Variants in PARVA observed in about 807,000 individuals in gnomAD.
The protein encoded by PARVA is parvin alpha.
A neutral mutation model predicts 52.6 loss-of-function variants in PARVA; 25 were observed. The observed-to-expected ratio is 0.48, with a 90% CI of 0.35 to 0.66. The LOEUF is 0.66. Ranked by LOEUF, PARVA falls within the 30% of genes least tolerant of loss-of-function variation. The pLI, the probability that PARVA is intolerant of heterozygous loss-of-function variation, is 0.01. For synonymous variants in PARVA, 185 were observed against 179.1 expected, an observed-to-expected ratio of 1.03 and a Z score of -0.26; for missense variants, 373 against 450.9, an observed-to-expected ratio of 0.83 and a Z score of 1.56.
At chr11:12,478,465 G>T (rs1441942978) in intron 4 of PARVA, 2 of 224,694 alleles carry the variant, frequency 8.9e-6, no homozygotes, top group Non-Finnish European at 1.8e-5. Flanking sequence ...GAATTCAGGG[G>T]TAATCTTAGT....
intron 1 of PARVA, among the ~76,000 whole-genome samples, chr11:12,417,269 A>G (rs1345319288): frequency 2.6e-5 from 4 of 152,344 alleles, no homozygotes; most frequent in South Asian, 2.1e-4. Context: ...GAAATAAACT[A>G]TAAGTCTAAT....
chr11:12,509,518 C>T (rs970279882), intron 7 of PARVA, among the ~76,000 whole-genome samples: 4 of 152,192 alleles, frequency 2.6e-5, no homozygotes, highest in African/African-American at 9.7e-5. Flanking sequence ...CTGACCCGTA[C>T]CTGCCAAGCC....
chr11:12,534,686 T>C lies in PARVA; in HGVS notation c.*6761T>C, dbSNP rs1297430059. Among the ~76,000 whole-genome samples the C allele has an allele frequency of 6.6e-6, 1 of 152,232 alleles. No individual in the cohort carries two copies. Among genetic ancestry groups the C allele is most frequent in the Non-Finnish European group, 1.5e-5 (1 of 68,036 alleles). ...TATTTTATTGAGGTAGACAGGACAA[T>C]AGATAAATATTTAATCTGTTACATG... On this transcript the variant is annotated 3_prime_UTR_variant, in exon 13 of 13. Coordinates refer to ENST00000334956, the MANE Select transcript of PARVA (RefSeq NM_018222.5).
rs1941763516 is a variant in PARVA, at chr11:12,530,805, G to C, written c.*2880G>C. The C allele has an allele frequency of 6.6e-6, 1 of 152,054 alleles. No homozygotes were observed. The highest frequency in any genetic ancestry group is 1.5e-5 in the Non-Finnish European group (1 of 68,010). 9.4% of individuals were successfully genotyped at this position (152,054 alleles called of 1,614,324 possible). On this transcript the variant is annotated 3_prime_UTR_variant, in exon 13 of 13. Transcript: ENST00000334956. The stretch of plus-strand genomic sequence containing the variant: ...CTTTCACATTTTAAAATAACAATCT[G>C]AGCACTTCATAAATCCAAATGCGTA...
chr11:12,518,347 C>T (rs753531983), intron 11 of PARVA, 98 bp from the exon 12 acceptor site: 2 of 844,654 alleles, frequency 2.4e-6, no homozygotes, highest in Admixed American at 2.2e-5. Context: ...CAGCCTCTGT[C>T]CCTCTGGCTA....
intron 1 of PARVA, among the ~76,000 whole-genome samples, chr11:12,418,683 G>A (rs916378648): frequency 3.3e-5 from 5 of 152,104 alleles, no homozygotes; most frequent in African/African-American, 7.2e-5. Flanking sequence ...CCCCGCCACC[G>A]GCTTTGTGAC....
chr11:12,511,549 T>A lies in PARVA; in HGVS notation c.736+16T>A. On this transcript the variant is annotated intron_variant, in intron 8 of 12. Coordinates refer to ENST00000334956, the MANE Select transcript of PARVA (RefSeq NM_018222.5). ...GGGAGGCATGGTAAGTCACATAAGATTGTCCTCTGGCACTGGTGGCTGCAC... is the reference window on the plus strand; with the variant it reads ...GGGAGGCATGGTAAGTCACATAAGAATGTCCTCTGGCACTGGTGGCTGCAC... 2.5e-6 allele frequency: 4 copies of A among 1,613,162 alleles called. No individual in the cohort carries two copies. Among genetic ancestry groups the A allele is most frequent in the Non-Finnish European group, 3.4e-6 (4 of 1,179,484 alleles).
intron 1 of PARVA, among the ~76,000 whole-genome samples, chr11:12,407,115 A>G (rs1170623390): frequency 6.6e-6 from 1 of 152,196 alleles, no homozygotes; most frequent in Non-Finnish European, 1.5e-5. Context: ...TTTGATGTAC[A>G]TTGCTAACAT....
At chr11:12,469,864 T>C (rs1319910375) in intron 1 of PARVA, among the ~76,000 whole-genome samples, 3 of 146,460 alleles carry the variant, frequency 2.0e-5, no homozygotes, top group Non-Finnish European at 4.6e-5. Flanking sequence ...GAAAACATTT[T>C]TAACAATGAT....
intron 1 of PARVA, among the ~76,000 whole-genome samples, chr11:12,380,006 C>T (rs954705103): frequency 6.6e-6 from 1 of 152,188 alleles, no homozygotes; most frequent in Non-Finnish European, 1.5e-5. Context: ...GTACCTATCA[C>T]TGTTGGTAGA....
intron 1 of PARVA, among the ~76,000 whole-genome samples, chr11:12,460,554 C>T (rs767490920): frequency 1.2e-4 from 18 of 152,058 alleles, no homozygotes; most frequent in Non-Finnish European, 5.9e-5. Flanking sequence ...GGTAAACCAC[C>T]GACTCTTCAG....
At chr11:12,443,273 G>A (rs1940495631) in intron 1 of PARVA, among the ~76,000 whole-genome samples, 1 of 148,184 alleles carries the variant, frequency 6.7e-6, no homozygotes, top group Non-Finnish European at 1.5e-5. Context: ...CCGGGTTGAA[G>A]CGATTCCCTT....
chr11:12,435,401 G>GA (rs1391199861), intron 1 of PARVA, among the ~76,000 whole-genome samples: 3 of 152,194 alleles, frequency 2.0e-5, no homozygotes, highest in African/African-American at 4.8e-5. Context: ...AGCTGCTTCT[G>GA]AAAATATCCC....
intron 12 of PARVA, among the ~76,000 whole-genome samples, chr11:12,521,796 G>A (rs1001132378): frequency 1.3e-5 from 2 of 152,180 alleles, no homozygotes; most frequent in African/African-American, 2.4e-5. Context: ...GGGGATGGAA[G>A]AGGTCTATGA....
chr11:12,393,786 C>T (rs1379152308), intron 1 of PARVA, among the ~76,000 whole-genome samples: 2 of 152,200 alleles, frequency 1.3e-5, no homozygotes, highest in Non-Finnish European at 2.9e-5. Flanking sequence ...TTCATTTTGG[C>T]ACTGGTAGCA....
Position 12,509,161 on chromosome 11 carries a change from C to T in PARVA, c.716+519C>T, listed in dbSNP as rs147381872. ...TTGCCATGGGGAACAGGAGTTTTCTCCTCAAGCAGAAAAAAAATTCATAGT... is the reference window on the plus strand; with the variant it reads ...TTGCCATGGGGAACAGGAGTTTTCTTCTCAAGCAGAAAAAAAATTCATAGT... On this transcript the variant is annotated intron_variant, in intron 7 of 12. Coordinates refer to ENST00000334956, the MANE Select transcript of PARVA (RefSeq NM_018222.5). Among the ~76,000 whole-genome samples, 5 of 149,654 alleles carry T rather than the reference C, an allele frequency of 3.3e-5. No individual in the cohort carries two copies. The East Asian group carries it at 1.0e-3, about 30-fold the overall frequency.
intron 1 of PARVA, among the ~76,000 whole-genome samples, chr11:12,413,964 T>G (rs1000833256): frequency 2.0e-5 from 3 of 152,192 alleles, no homozygotes; most frequent in Non-Finnish European, 1.5e-5. Context: ...TGCCATAGCC[T>G]AAGTCCCTCT....
chr11:12,478,349 G>T, intron 4 of PARVA: 1 of 339,704 alleles, frequency 2.9e-6, no homozygotes, highest in South Asian at 2.4e-5. Flanking sequence ...AGATGCATGT[G>T]TGTGTGTTCC....
rs544674265 is a variant in PARVA at position 12,448,917 on chromosome 11, T to C, written c.137-24828T>C. Reference sequence around the variant, plus strand: ...TTCTCTGTACTCTCTCCCTTCTCTCTGTCTGTTATCTCTTCCCAGCTTATT... The same window carrying C: ...TTCTCTGTACTCTCTCCCTTCTCTCCGTCTGTTATCTCTTCCCAGCTTATT... On this transcript the variant is annotated intron_variant, in intron 1 of 12. Coordinates refer to ENST00000334956, the MANE Select transcript of PARVA (RefSeq NM_018222.5). 5.3e-5 allele frequency among the ~76,000 whole-genome samples: 8 copies of C among 152,350 alleles called. No individual in the cohort carries two copies. In the East Asian group the frequency reaches 1.5e-3, roughly 29 times the overall value.
Sources: allele counts gnomAD v4.1 joint callset (sites outside exome capture counted in the v4.1 genomes callset), GRCh38; gene constraint gnomAD v4.1.1; transcripts MANE v1.5; gene names NCBI Gene and HGNC (gene_info 2026-07-23, HGNC 2026-07-21).